Variants in MBD1 observed in about 807,000 individuals in gnomAD.
The protein encoded by MBD1 is methyl-CpG-binding domain protein 1.
In MBD1, 25 loss-of-function variants were observed where a neutral mutation model predicts 82.6. The ratio of observed to expected loss-of-function variants is 0.30; its 90% CI spans 0.22 to 0.42. The LOEUF (loss-of-function observed/expected upper bound fraction) is 0.42. Ranked by LOEUF, MBD1 falls within the 10% of genes least tolerant of loss-of-function variation. The pLI is 1.00. For synonymous variants in MBD1, 301 were observed against 303.7 expected, an observed-to-expected ratio of 0.99 and a Z score of 0.09; for missense variants, 627 against 819.6, an observed-to-expected ratio of 0.76 and a Z score of 2.87.
intron 2 of MBD1, 130 bp downstream of exon 2, chr18:50,279,752 TA>T: frequency 8.0e-7 from 1 of 1,242,638 alleles, no homozygotes; most frequent in Non-Finnish European, 1.1e-6. Flanking sequence ...AATTCAAACA[TA>T]AAATCCGCTA....
intron 6 of MBD1, 24 bp downstream of exon 6, chr18:50,276,354 G>A (rs1599442984): frequency 6.2e-7 from 1 of 1,611,914 alleles, no homozygotes; most frequent in Non-Finnish European, 8.5e-7. Context: ...GCAGAGTTGT[G>A]AAGAGGAAGC....
At position 50,277,219 on chromosome 18, in the gene MBD1, T is replaced by A. The variant is rs1244064073; in HGVS notation, c.111-15A>T. ...CTCCTGTGGGGCTAGGGATGGGCCA[T>A]GATGGGTTAGCACCCAGGTGGAGCC... is the stretch of plus-strand genomic sequence containing the variant. On this transcript the variant is annotated splice_polypyrimidine_tract_variant and intron_variant, in intron 2 of 16. Coordinates refer to ENST00000269468, the MANE Select transcript of MBD1 (RefSeq NM_015846.4). 6.3e-7 allele frequency: 1 copy of A among 1,595,856 alleles called. No homozygotes were observed. Among genetic ancestry groups the A allele is most frequent in the Non-Finnish European group, 8.6e-7 (1 of 1,164,004 alleles).
rs2034579268 is a variant in MBD1 at position 50,269,516 on chromosome 18, T to C, written c.*335A>G. On this transcript the variant is annotated 3_prime_UTR_variant, in exon 17 of 17. Transcript: ENST00000269468. ...AGTTCACACGTTGCCATGTATCTGC[T>C]AGATCACCTCGTTGGTGTGGGCAGT... 7 of 716,886 alleles carry C rather than the reference T, an allele frequency of 9.8e-6. No homozygotes were observed. In the Admixed American group the frequency reaches 1.4e-4, roughly 14 times the overall value. The allele number at this position is 716,886 out of a possible 1,614,324, so 44.4% of individuals were successfully genotyped here.
At chr18:50,276,534 C>T in intron 5 of MBD1, 116 bp from the exon 6 acceptor site, 3 of 1,436,442 alleles carry the variant, frequency 2.1e-6, no homozygotes, top group Non-Finnish European at 1.9e-6. Flanking sequence ...CTGCTATCTC[C>T]AATATCCAAC....
chr18:50,280,610 A>G (rs1255555192), intron 1 of MBD1, among the ~76,000 whole-genome samples: 1 of 151,636 alleles, frequency 6.6e-6, no homozygotes, highest in African/African-American at 2.4e-5. Flanking sequence ...GCGAGACACA[A>G]CTGCTCCAAC....
At chr18:50,274,853 C>G (rs2037114572) in intron 10 of MBD1, 124 bp downstream of exon 10, 1 of 980,466 alleles carries the variant, frequency 1.0e-6, no homozygotes. Flanking sequence ...TCTACTCATC[C>G]CATCCTAGGA....
Position 50,269,336 on chromosome 18 carries a change from T to C in MBD1, c.*515A>G. Reference sequence around the variant, plus strand: ...GATTCATGGTAGGGTGGCTTTGTAATGTGTCACCTTGGTGAGGCTATGTTT... The same window carrying C: ...GATTCATGGTAGGGTGGCTTTGTAACGTGTCACCTTGGTGAGGCTATGTTT... On this transcript the variant is annotated 3_prime_UTR_variant, in exon 17 of 17. Coordinates refer to ENST00000269468, the MANE Select transcript of MBD1 (RefSeq NM_015846.4). The C allele has an allele frequency of 1.5e-6, 2 of 1,305,522 alleles. No homozygotes were observed. Among genetic ancestry groups the C allele is most frequent in the South Asian group, 3.1e-5 (2 of 64,470 alleles). The allele number at this position is 1,305,522 out of a possible 1,614,324, so 80.9% of individuals were successfully genotyped here. A position where few individuals can be genotyped will look rare whatever the true frequency, so the allele number is the denominator to read the frequency against.
upstream of MBD1, chr18:50,281,739 T>C: frequency 2.7e-6 from 1 of 364,330 alleles, no homozygotes; most frequent in Non-Finnish European, 4.9e-6. Context: ...CAGTTGCGGC[T>C]CTCCTCGCTG....
At position 50,275,718 on chromosome 18, in the gene MBD1, C is replaced by T; in HGVS notation, c.674G>A (p.Cys225Tyr). ...CLRIVERSRG[C>Y]GVCRGCQTQE... ...GGTCTGACAGCCCCGGCATACTCCA[C>T]ACCCTCGGCTCTGTTGGCGGGGGGC... is the stretch of plus-strand genomic sequence containing the variant. The change falls in exon 8 of 17, where the codon TGT (cysteine) becomes TAT (tyrosine). Residue 225 changes from cysteine (C) to tyrosine (Y), a missense_variant. Cys to Tyr is a radical substitution (Grantham distance 194). Coordinates refer to ENST00000269468, the MANE Select transcript of MBD1 (RefSeq NM_015846.4). 6.2e-7 allele frequency: 1 copy of T among 1,614,228 alleles called. No homozygotes were observed. Among genetic ancestry groups the T allele is most frequent in the East Asian group, 2.2e-5 (1 of 44,886 alleles).
At chr18:50,275,481 C>T (rs749847805) in intron 8 of MBD1, 119 bp downstream of exon 8, 107 of 1,594,386 alleles carry the variant, frequency 6.7e-5, no homozygotes, top group Middle Eastern at 1.7e-4. Flanking sequence ...GCCAGAAAGG[C>T]GAGCATAGGG....
chr18:50,278,207 C>T (rs1390831539), intron 2 of MBD1, among the ~76,000 whole-genome samples: 2 of 152,146 alleles, frequency 1.3e-5, no homozygotes, highest in South Asian at 2.1e-4. Flanking sequence ...GATTTCATCA[C>T]GCTACTCAAA....
At chr18:50,277,388 G>A (rs534445008) in intron 2 of MBD1, among the ~76,000 whole-genome samples, 184 bp from the exon 3 acceptor site, 2 of 151,944 alleles carry the variant, frequency 1.3e-5, no homozygotes, top group Non-Finnish European at 2.9e-5. Flanking sequence ...AACACATATA[G>A]AAACATTAGA....
At chr18:50,275,468 G>T in intron 8 of MBD1, 132 bp downstream of exon 8, 1 of 1,596,076 alleles carries the variant, frequency 6.3e-7, no homozygotes, top group East Asian at 2.3e-5. Flanking sequence ...GCAGGTAGGC[G>T]GGGCCAGAAA....
At position 50,276,682 on chromosome 18, in the gene MBD1, G is replaced by A. The variant is rs545375854; in HGVS notation, c.455C>T (p.Thr152Met). Residue 152 changes from threonine (T) to methionine (M), a missense_variant, in exon 5 of 17, where the codon ACG becomes ATG. By Grantham distance (81) the Thr-to-Met change is moderately conservative. Around this residue, in one of 6 missense-constraint regions of MBD1, gnomAD observed 228 missense variants for 318.1 expected, o/e 0.72. Coordinates refer to ENST00000269468, the MANE Select transcript of MBD1 (RefSeq NM_015846.4). Reference sequence around the variant, plus strand: ...CTCACCTCGACAGTCTTTGCACAACGTTTTGAGCCGCTGCCTTTGGGTGCC... The same window carrying A: ...CTCACCTCGACAGTCTTTGCACAACATTTTGAGCCGCTGCCTTTGGGTGCC... ...GDGTQRQRLK[T>M]LCKDCRAQRI... 19 of 1,614,054 alleles carry A rather than the reference G, an allele frequency of 1.2e-5. No homozygotes were observed. Among genetic ancestry groups the A allele is most frequent in the East Asian group, 8.9e-5 (4 of 44,878 alleles).
At chr18:50,273,212 T>C in intron 13 of MBD1, 122 bp downstream of exon 13, 1 of 1,425,478 alleles carries the variant, frequency 7.0e-7, no homozygotes, top group Non-Finnish European at 9.6e-7. Flanking sequence ...GGGGTAATTC[T>C]GCAGAAACGT....
At position 50,275,082 on chromosome 18, in the gene MBD1, T is replaced by C. The variant is rs1208804803; in HGVS notation, c.910-37A>G. 4 of 1,613,574 alleles carry C rather than the reference T, an allele frequency of 2.5e-6. No individual in the cohort carries two copies. The South Asian group carries it at 4.4e-5, about 18-fold the overall frequency. ...AATGGGGTGGGGTCAGGGCAGGTAC[T>C]GGGTAAGGTCAGGGTTGTGCCTTCC... On this transcript the variant is annotated intron_variant, in intron 9 of 16. Transcript: ENST00000269468.
rs1473139179 is a variant in MBD1, at chr18:50,275,040, G to A, written c.915C>T (p.Pro305=). ...CAGGTGGCGAGGGGGCCAGGGCTCT[G>A]GGGTGCTGTAGAGGCAAATGGGGTG... The part of the protein sequence containing the change: ...SQSPEPTEPH[P]RALAPSPPAE... The change falls in exon 10 of 17, where the codon CCC becomes CCT. Residue 305 remains proline (P), a synonymous_variant. Transcript: ENST00000269468. 6.2e-7 allele frequency: 1 copy of A among 1,614,012 alleles called. No homozygotes were observed. Among genetic ancestry groups the A allele is most frequent in the African/African-American group, 1.3e-5 (1 of 74,908 alleles).
Position 50,272,669 on chromosome 18 carries a change from G to A in MBD1, c.1778+8C>T. Reference sequence around the variant, plus strand: ...CTCCTTCCCCACCCCTCACTGTGTGGGGCACACCTTGGCAACCAGACTGCT... The same window carrying A: ...CTCCTTCCCCACCCCTCACTGTGTGAGGCACACCTTGGCAACCAGACTGCT... On this transcript the variant is annotated splice_region_variant and intron_variant, in intron 15 of 16. Transcript: ENST00000269468. 9 of 1,614,094 alleles carry A rather than the reference G, an allele frequency of 5.6e-6. No homozygotes were observed. Among genetic ancestry groups the A allele is most frequent in the Non-Finnish European group, 7.6e-6 (9 of 1,179,982 alleles).
At chr18:50,272,620 G>A in intron 15 of MBD1, 57 bp downstream of exon 15, 1 of 1,589,230 alleles carries the variant, frequency 6.3e-7, no homozygotes, top group Admixed American at 1.7e-5. Flanking sequence ...TCAAAACTCA[G>A]GGCCCACATC....
Sources: gnomAD v4.1 joint callset for allele counts (sites outside exome capture counted in the v4.1 genomes callset) on GRCh38, gnomAD v4.1.1 for gene constraint, gnomAD v4.1.1 regional missense constraint, MANE v1.5 for transcripts, NCBI Gene and HGNC (gene_info 2026-07-23, HGNC 2026-07-21) for gene names.